The following SLC9A2 variants were observed in gnomAD, a reference collection of about 807,000 sequenced individuals.
SLC9A2 encodes sodium/hydrogen exchanger 2.
SLC9A2 carries 42 observed loss-of-function variants against 71.7 expected under a neutral mutation model. The observed-to-expected ratio is 0.59, with a 90% CI of 0.46 to 0.76. SLC9A2 has a LOEUF of 0.76. Among genes scored for constraint, SLC9A2 ranks in the 30% least tolerant of loss-of-function variants. The pLI is 0.00. For synonymous variants in SLC9A2, 396 were observed against 392.5 expected (o/e 1.01, Z -0.10); for missense variants, 829 against 1,017.4 (o/e 0.81, Z 2.52).
intron 2 of SLC9A2, among the ~76,000 whole-genome samples, chr2:102,659,607 C>A (rs1677014327): frequency 6.6e-6 from 1 of 152,110 alleles, no homozygotes; most frequent in South Asian, 2.1e-4. Flanking sequence ...ATTTATTGAT[C>A]ACAATTTGTA....
intron 5 of SLC9A2, among the ~76,000 whole-genome samples, chr2:102,691,716 T>C (rs1011256143): frequency 6.6e-6 from 1 of 152,192 alleles, no homozygotes; most frequent in African/African-American, 2.4e-5. Flanking sequence ...CATAAATATA[T>C]TATGCTTTCA....
chr2:102,646,289 G>C (rs1013609734), intron 1 of SLC9A2, among the ~76,000 whole-genome samples: 3 of 152,112 alleles, frequency 2.0e-5, no homozygotes, highest in Admixed American at 6.5e-5. Flanking sequence ...CCTTACAAGA[G>C]CTCCTGAAGG....
intron 1 of SLC9A2, among the ~76,000 whole-genome samples, chr2:102,626,891 A>G (rs1676260118): frequency 6.6e-6 from 1 of 152,218 alleles, no homozygotes; most frequent in Non-Finnish European, 1.5e-5. Context: ...GTTACATTAT[A>G]TCCACTTTAA....
intron 3 of SLC9A2, among the ~76,000 whole-genome samples, chr2:102,676,342 C>T (rs945202255): frequency 4.1e-4 from 62 of 152,212 alleles, no homozygotes; most frequent in African/African-American, 1.5e-3. Context: ...GCCTGTGCTT[C>T]ATGATGCTGT....
At chr2:102,639,894 T>C (rs540850813) in intron 1 of SLC9A2, among the ~76,000 whole-genome samples, 1 of 152,276 alleles carries the variant, frequency 6.6e-6, no homozygotes, top group South Asian at 2.1e-4. Flanking sequence ...AACATAGAAA[T>C]GACCGGTAGT....
chr2:102,657,444 G>A (rs1676965496), intron 1 of SLC9A2, 120 bp from the exon 2 acceptor site: 1 of 650,530 alleles, frequency 1.5e-6, no homozygotes, highest in South Asian at 2.0e-5. Context: ...TGTAAAGACA[G>A]TGATACTGAC....
chr2:102,702,288 C>A, intron 8 of SLC9A2, 118 bp from the exon 9 acceptor site: 4 of 596,756 alleles, frequency 6.7e-6, no homozygotes, highest in Admixed American at 3.6e-5. Context: ...TTGAATAATC[C>A]CTAAGTGCTA....
At chr2:102,639,248 C>A (rs1180530461) in intron 1 of SLC9A2, among the ~76,000 whole-genome samples, 3 of 152,222 alleles carry the variant, frequency 2.0e-5, no homozygotes. Flanking sequence ...ATTATTATAT[C>A]ATGTTAATAG....
chr2:102,682,423 C>G (rs1677471298), intron 3 of SLC9A2, among the ~76,000 whole-genome samples: 1 of 152,088 alleles, frequency 6.6e-6, no homozygotes. Flanking sequence ...GGAGAGAGGG[C>G]AGATGTGAAA....
chr2:102,646,768 A>ATGTATATATATATATATATATATAT (rs1676731084), intron 1 of SLC9A2, among the ~76,000 whole-genome samples: 1 of 132,982 alleles, frequency 7.5e-6, no homozygotes, highest in African/African-American at 3.1e-5. Flanking sequence ...AACGATCCTA[A>ATGTATATATATATATATATATATAT]ATATATATAT....
intron 2 of SLC9A2, among the ~76,000 whole-genome samples, chr2:102,662,843 AG>A (rs1360951030): frequency 2.0e-5 from 3 of 151,988 alleles, no homozygotes; most frequent in Non-Finnish European, 1.5e-5. Flanking sequence ...CTTTGAAGGA[AG>A]TAGGTCTCGT....
In SLC9A2 at chr2:102,660,861, T is replaced by C. The variant is rs1484577430; in HGVS notation, c.753+2834T>C. Among the ~76,000 whole-genome samples, 4 of 152,182 alleles carry C rather than the reference T, an allele frequency of 2.6e-5. No individual in the cohort carries two copies. In the East Asian group the frequency reaches 5.8e-4, roughly 22 times the overall value. ...TCACTAGGAGTTGCAGATAGAAGAA[T>C]AGAGGTTAATCGGAGAAAATTCATT... On this transcript the variant is annotated intron_variant, in intron 2 of 11. Transcript: ENST00000233969.
At chr2:102,656,152 C>A (rs1453659191) in intron 1 of SLC9A2, among the ~76,000 whole-genome samples, 2 of 152,228 alleles carry the variant, frequency 1.3e-5, no homozygotes, top group Non-Finnish European at 2.9e-5. Context: ...AAGTGCGCTC[C>A]AAACTTAAGC....
At chr2:102,668,168 G>C (rs1677178858) in intron 3 of SLC9A2, among the ~76,000 whole-genome samples, 1 of 152,152 alleles carries the variant, frequency 6.6e-6, no homozygotes. Context: ...TACCAGTGAT[G>C]TAAACATTTT....
chr2:102,657,689 G>T lies in SLC9A2; in HGVS notation c.415G>T (p.Asp139Tyr). The change falls in exon 2 of 12, where the codon GAT (aspartate) becomes TAT (tyrosine). Residue 139 changes from aspartate to tyrosine, a missense_variant. Physicochemically the swap from Asp to Tyr is radical, Grantham distance 160. Coordinates refer to ENST00000233969, the MANE Select transcript of SLC9A2 (RefSeq NM_003048.6). ...GAAGTCTCCCCCTGCAATGAAGACT[G>T]ATGTATTTTTCTTGTACCTCCTCCC... ...DEKSPPAMKT[D>Y]VFFLYLLPPI... is the part of the protein sequence containing the mutation. The T allele has an allele frequency of 6.2e-7, 1 of 1,614,144 alleles. No homozygotes were observed. Among genetic ancestry groups the T allele is most frequent in the Non-Finnish European group, 8.5e-7 (1 of 1,180,012 alleles).
chr2:102,695,465 G>C lies in SLC9A2; in HGVS notation c.1586+352G>C, dbSNP rs922016978. 7.8e-4 allele frequency among the ~76,000 whole-genome samples: 119 copies of C among 152,062 alleles called. 1 individual carries two copies. Among genetic ancestry groups the C allele is most frequent in the Admixed American group, 5.3e-3 (81 of 15,252 alleles). ...AACCACAATGGCTGCATCAATATTA[G>C]CCATTAGAGGCAGCAAGAAGGATGA... On this transcript the variant is annotated intron_variant, in intron 7 of 11. Transcript: ENST00000233969.
chr2:102,641,270 C>T (rs529105780), intron 1 of SLC9A2, among the ~76,000 whole-genome samples: 208 of 152,262 alleles, frequency 1.4e-3, no homozygotes, highest in Non-Finnish European at 2.4e-3. Context: ...CCTGCCCAAA[C>T]GCTCTGTAAA....
chr2:102,704,269 C>G (rs2104556247), intron 9 of SLC9A2, among the ~76,000 whole-genome samples: 1 of 152,066 alleles, frequency 6.6e-6, no homozygotes, highest in East Asian at 1.9e-4. Flanking sequence ...GTTATGAGTG[C>G]CACTGCATTC....
intron 1 of SLC9A2, among the ~76,000 whole-genome samples, chr2:102,630,292 C>T (rs1676332385): frequency 6.6e-6 from 1 of 151,846 alleles, no homozygotes. Context: ...AGGCTTTAGT[C>T]TTGTATGGAA....
Sources: allele counts gnomAD v4.1 joint callset (sites outside exome capture counted in the v4.1 genomes callset), GRCh38; gene constraint gnomAD v4.1.1; transcripts MANE v1.5; gene names NCBI Gene and HGNC (gene_info 2026-07-23, HGNC 2026-07-21).